Variants in WWP2 observed in about 807,000 individuals in gnomAD.
The protein encoded by WWP2 is NEDD4-like E3 ubiquitin-protein ligase WWP2.
A neutral mutation model predicts 121.0 loss-of-function variants in WWP2; 57 were observed. The ratio of observed to expected loss-of-function variants is 0.47; its 90% confidence interval spans 0.38 to 0.59. WWP2 has a LOEUF of 0.59. WWP2 is among the 20% of genes least tolerant of loss of function. The probability of loss-of-function intolerance (pLI) is 0.00; values close to 1 mark genes in which losing one functional copy is unlikely to be tolerated. For missense variants in WWP2, 962 were observed against 1,158.9 expected (o/e 0.83, Z 2.47); for synonymous variants, 449 against 441.3 (o/e 1.02, Z -0.22).
chr16:69,779,149 C>T, intron 1 of WWP2, among the ~76,000 whole-genome samples: 1 of 152,094 alleles, frequency 6.6e-6, no homozygotes, highest in East Asian at 1.9e-4. Flanking sequence ...TGGGGTTTCA[C>T]CATGTTGGCC....
rs189227140 is a variant in WWP2 at position 69,937,850 on chromosome 16, G to T, written c.2343+198G>T. Among the ~76,000 whole-genome samples, 249 of 152,330 alleles carry T rather than the reference G, an allele frequency of 1.6e-3. 2 individuals are homozygous for T. Among genetic ancestry groups the T allele is most frequent in the East Asian group, 1.4e-3 (7 of 5,184 alleles). On this transcript the variant is annotated intron_variant, in intron 21 of 23. Coordinates refer to ENST00000359154, the MANE Select transcript of WWP2 (RefSeq NM_001270454.2). This position sits in a 1 kb window ranked among gnomAD's most constrained non-coding sequence, Gnocchi z 6.6. ...TGAGTGGTGGCCAGTGGATGTGACA[G>T]GAGGTCGTCAGTGGTCAGCCTTGGG...
intron 1 of WWP2, among the ~76,000 whole-genome samples, chr16:69,771,660 C>G (rs1430819292): frequency 2.0e-5 from 3 of 152,178 alleles, no homozygotes; most frequent in Admixed American, 6.5e-5. Flanking sequence ...ACTTTAGGAT[C>G]AGCTTGTCAA....
intron 7 of WWP2, among the ~76,000 whole-genome samples, chr16:69,879,344 C>T (rs949942786): frequency 4.6e-5 from 7 of 152,286 alleles, no homozygotes; most frequent in Admixed American, 1.3e-4. Context: ...TCATCCCAAA[C>T]GGATTCTCTG....
At chr16:69,833,868 C>T (rs1159045122) in intron 4 of WWP2, among the ~76,000 whole-genome samples, 1 of 152,138 alleles carries the variant, frequency 6.6e-6, no homozygotes, top group Non-Finnish European at 1.5e-5. Context: ...ATCAGTGGCC[C>T]TGCGGGGCCT....
Position 69,925,012 on chromosome 16 carries a change from G to C in WWP2, c.1180-418G>C. 1.0e-6 allele frequency: 1 copy of C among 994,140 alleles called. No individual in the cohort carries two copies. Among genetic ancestry groups the C allele is most frequent in the Non-Finnish European group, 1.2e-6 (1 of 835,878 alleles). 61.6% of individuals were successfully genotyped at this position (994,140 alleles called of 1,614,324 possible). A position where few individuals can be genotyped will look rare whatever the true frequency, so the allele number is the denominator to read the frequency against. The stretch of plus-strand genomic sequence containing the variant: ...TTTCCCCTCCTGCGTGTGGTTCTTG[G>C]AGAAAGTTGGAGGTGGTGGTGATTT... On this transcript the variant is annotated intron_variant, in intron 10 of 23. Coordinates refer to ENST00000359154, the MANE Select transcript of WWP2 (RefSeq NM_001270454.2). The surrounding 1 kb of genome is among the most constrained non-coding windows in gnomAD (Gnocchi z 4.0).
intron 7 of WWP2, among the ~76,000 whole-genome samples, chr16:69,887,101 G>A (rs547258022): frequency 2.0e-5 from 3 of 152,292 alleles, no homozygotes; most frequent in South Asian, 2.1e-4. Context: ...CCTTGTGAAC[G>A]TAAGTGATCA....
chr16:69,793,945 G>A (rs1376143895), intron 2 of WWP2, among the ~76,000 whole-genome samples: 2 of 141,976 alleles, frequency 1.4e-5, no homozygotes, highest in African/African-American at 5.4e-5. Flanking sequence ...TTGAGACAGG[G>A]TCTTGCTCTG....
At chr16:69,853,460 TTCTGCTTTCCA>T (rs1262895271) in intron 6 of WWP2, among the ~76,000 whole-genome samples, 3 of 152,212 alleles carry the variant, frequency 2.0e-5, no homozygotes, top group Admixed American at 1.3e-4. Context: ...TCTGCCTTCC[TTCTGCTTTCCA>T]ACCTTTCTGC....
rs35673651 is a variant in WWP2 at position 69,851,026 on chromosome 16, T to TTTA, written c.575+8906_575+8907insTTA. ...CTCTTTAATTTTTTTTTTTTTTTTT[T>TTTA]GGACAGAGTCTCGCTCTGTCATTCC... is the stretch of plus-strand genomic sequence containing the variant. On this transcript the variant is annotated intron_variant, in intron 6 of 23. Coordinates refer to ENST00000359154, the MANE Select transcript of WWP2 (RefSeq NM_001270454.2). Among the ~76,000 whole-genome samples, 133 of 142,540 alleles carry TTTA rather than the reference T, an allele frequency of 9.3e-4. 2 individuals are homozygous for TTTA. Among genetic ancestry groups the TTTA allele is most frequent in the Middle Eastern group, 3.5e-3 (1 of 282 alleles). The allele number at this position is 142,540 out of a possible 152,430, so 93.5% of individuals were successfully genotyped here.
intron 16 of WWP2, 132 bp downstream of exon 16, chr16:69,932,022 A>T (rs1007058167): frequency 3.3e-6 from 3 of 901,900 alleles, no homozygotes; most frequent in Non-Finnish European, 5.0e-6. Flanking sequence ...GAATGGGCAC[A>T]GTGTGGCATT....
At chr16:69,912,844 G>A (rs2058401639) in intron 9 of WWP2, among the ~76,000 whole-genome samples, 1 of 142,636 alleles carries the variant, frequency 7.0e-6, no homozygotes, top group Admixed American at 7.2e-5. Context: ...AACTTCCAGA[G>A]GCCAAGGTGG....
intron 10 of WWP2, among the ~76,000 whole-genome samples, chr16:69,920,863 G>A (rs2058551363): frequency 6.6e-6 from 1 of 152,094 alleles, no homozygotes; most frequent in Non-Finnish European, 1.5e-5. Flanking sequence ...GGTTCTGTGG[G>A]TTGACCAAGA....
intron 4 of WWP2, among the ~76,000 whole-genome samples, chr16:69,811,434 C>T (rs1471418083): frequency 2.0e-5 from 3 of 152,016 alleles, no homozygotes; most frequent in Admixed American, 2.0e-4. Context: ...TAGTGAGACC[C>T]ATGCCACCCC....
At chr16:69,842,377 A>G (rs1291598322) in intron 6 of WWP2, among the ~76,000 whole-genome samples, 1 of 152,112 alleles carries the variant, frequency 6.6e-6, no homozygotes, top group African/African-American at 2.4e-5. Context: ...CAGGTTTGTT[A>G]CATGGGTATA....
At chr16:69,811,099 C>A (rs1029353690) in intron 4 of WWP2, among the ~76,000 whole-genome samples, 8 of 152,116 alleles carry the variant, frequency 5.3e-5, no homozygotes, top group African/African-American at 1.2e-4. Flanking sequence ...CAAGACTTAT[C>A]AGCATGTTTC....
chr16:69,936,425 C>T lies in WWP2; in HGVS notation c.2090C>T (p.Thr697Ile), dbSNP rs773414786. The part of the protein sequence containing the change: ...LKEGGESIRV[T>I]EENKEEYIML... ...GAGGGCGGCGAGAGCATCCGGGTCA[C>T]AGAGGAGAACAAGGAAGAGTACATC... The change falls in exon 19 of 24, where the codon ACA becomes ATA. Residue 697 changes from threonine (T) to isoleucine (I), a missense_variant. By Grantham distance (89) the Thr-to-Ile change is moderately conservative. Coordinates refer to ENST00000359154, the MANE Select transcript of WWP2 (RefSeq NM_001270454.2). 1.1e-5 allele frequency: 18 copies of T among 1,613,896 alleles called. No individual in the cohort carries two copies. The highest frequency in any genetic ancestry group is 4.5e-5 in the East Asian group (2 of 44,878).
At chr16:69,826,957 G>GC (rs1173925573) in intron 4 of WWP2, among the ~76,000 whole-genome samples, 3 of 78,612 alleles carry the variant, frequency 3.8e-5, no homozygotes, top group African/African-American at 1.8e-4. Flanking sequence ...AAAAAAAAGG[G>GC]GGGGGGGCGG....
At chr16:69,804,276 T>G (rs1204906374) in intron 4 of WWP2, among the ~76,000 whole-genome samples, 1 of 152,214 alleles carries the variant, frequency 6.6e-6, no homozygotes, top group African/African-American at 2.4e-5. Flanking sequence ...GTCACCTCTA[T>G]TTTTTCCTAG....
chr16:69,798,978 C>T, intron 3 of WWP2, 149 bp downstream of exon 3: 1 of 1,346,752 alleles, frequency 7.4e-7, no homozygotes, highest in Non-Finnish European at 1.0e-6. Context: ...GGTGTTCCTA[C>T]ACCATTGAGC....
Sources: gnomAD v4.1 joint callset for allele counts (sites outside exome capture counted in the v4.1 genomes callset) on GRCh38, gnomAD v4.1.1 for gene constraint, Gnocchi (gnomAD v3.1) non-coding constraint, MANE v1.5 for transcripts, NCBI Gene and HGNC (gene_info 2026-07-23, HGNC 2026-07-21) for gene names.